VPS36: variants seen among roughly 807,000 people sequenced by gnomAD.
VPS36 encodes the protein vacuolar protein sorting 36 homolog.
VPS36 carries 31 observed loss-of-function variants against 63.5 expected under a neutral mutation model. The ratio of observed to expected loss-of-function variants is 0.49; its 90% CI spans 0.37 to 0.66. The LOEUF is 0.66. Ranked by LOEUF, VPS36 falls within the 30% of genes least tolerant of loss-of-function variation. The pLI, the probability that VPS36 is intolerant of heterozygous loss-of-function variation, is 0.00. For missense variants in VPS36, 338 were observed against 463.7 expected, an observed-to-expected ratio of 0.73 and a Z score of 2.49; for synonymous variants, 138 against 157.2, an observed-to-expected ratio of 0.88 and a Z score of 0.91.
intron 9 of VPS36, among the ~76,000 whole-genome samples, chr13:52,425,247 C>T (rs1361959167): frequency 1.5e-4 from 21 of 136,744 alleles, no homozygotes; most frequent in African/African-American, 2.8e-4. Flanking sequence ...AGCGAGACTC[C>T]GCCTCAAAAA....
At chr13:52,416,974 A>C in intron 12 of VPS36, 83 bp downstream of exon 12, 3 of 1,183,184 alleles carry the variant, frequency 2.5e-6, no homozygotes. Context: ...TTAAATTCAA[A>C]AGGAAATCCT....
At position 52,415,793 on chromosome 13, in the gene VPS36, A is replaced by G. The variant is rs1386913251; in HGVS notation, c.*37T>C. 6.3e-7 allele frequency: 1 copy of G among 1,593,842 alleles called. No homozygotes were observed. The highest frequency in any genetic ancestry group is 8.6e-7 in the Non-Finnish European group (1 of 1,163,974). ...ATGTCATACAACCTCTACATGACGC[A>G]AGCATATGGACAAAAAGGATTTTAA... On this transcript the variant is annotated 3_prime_UTR_variant, in exon 14 of 14. Transcript: ENST00000378060.
At chr13:52,432,701 G>C (rs1055848394) in intron 6 of VPS36, among the ~76,000 whole-genome samples, 1 of 152,152 alleles carries the variant, frequency 6.6e-6, no homozygotes, top group African/African-American at 2.4e-5. Flanking sequence ...ACATGAGTGT[G>C]ACAGAGATTC....
chr13:52,447,610 T>A (rs955098543), intron 1 of VPS36, among the ~76,000 whole-genome samples: 1 of 152,148 alleles, frequency 6.6e-6, no homozygotes, highest in Non-Finnish European at 1.5e-5. Flanking sequence ...GGAAGAGCAG[T>A]CCATTGGATC....
intron 6 of VPS36, among the ~76,000 whole-genome samples, chr13:52,432,179 G>A (rs1229124863): frequency 1.3e-5 from 2 of 151,970 alleles, no homozygotes; most frequent in South Asian, 2.1e-4. Context: ...GTGAAACCCC[G>A]TCTCTACTAA....
intron 1 of VPS36, among the ~76,000 whole-genome samples, chr13:52,447,268 A>G (rs1958353747): frequency 6.6e-6 from 1 of 152,198 alleles, no homozygotes; most frequent in African/African-American, 2.4e-5. Flanking sequence ...GTAATACATA[A>G]TAATGCTGAG....
intron 1 of VPS36, among the ~76,000 whole-genome samples, chr13:52,445,430 G>C (rs994352172): frequency 1.3e-5 from 2 of 151,674 alleles, no homozygotes; most frequent in Admixed American, 6.6e-5. Flanking sequence ...ACGAGGTCAG[G>C]AGATCGAGAC....
chr13:52,432,235 C>A (rs1958166629), intron 6 of VPS36, among the ~76,000 whole-genome samples: 1 of 151,860 alleles, frequency 6.6e-6, no homozygotes, highest in Non-Finnish European at 1.5e-5. Flanking sequence ...CCTATAGGCC[C>A]AGCTACTCGG....
At chr13:52,436,190 A>C in intron 4 of VPS36, 100 bp downstream of exon 4, 2 of 740,034 alleles carry the variant, frequency 2.7e-6, no homozygotes, top group Non-Finnish European at 4.4e-6. Context: ...GTTGTATAAT[A>C]CTACCTTCCA....
chr13:52,422,550 C>A (rs1958057021), intron 10 of VPS36, among the ~76,000 whole-genome samples: 1 of 152,090 alleles, frequency 6.6e-6, no homozygotes, highest in African/African-American at 2.4e-5. Flanking sequence ...CCTCTCCCTC[C>A]CCCTAGTCTC....
chr13:52,447,463 T>G (rs1389705899), intron 1 of VPS36, among the ~76,000 whole-genome samples: 1 of 152,238 alleles, frequency 6.6e-6, no homozygotes, highest in Non-Finnish European at 1.5e-5. Flanking sequence ...GCTACAGAAG[T>G]GTCTGTGAAG....
At chr13:52,444,250 G>C (rs1958311017) in intron 1 of VPS36, among the ~76,000 whole-genome samples, 1 of 152,130 alleles carries the variant, frequency 6.6e-6, no homozygotes, top group African/African-American at 2.4e-5. Context: ...GAGGTCTGGA[G>C]ATCGAGACCA....
At chr13:52,435,020 G>A (rs1314456221) in intron 4 of VPS36, 138 bp from the exon 5 acceptor site, 1 of 754,460 alleles carries the variant, frequency 1.3e-6, no homozygotes, top group Non-Finnish European at 2.0e-6. Flanking sequence ...TGCCCAGGCT[G>A]GAGTGCAATG....
At chr13:52,439,607 G>C (rs1958254233) in intron 2 of VPS36, among the ~76,000 whole-genome samples, 1 of 151,866 alleles carries the variant, frequency 6.6e-6, no homozygotes, top group South Asian at 2.1e-4. Context: ...CACCACGTCC[G>C]GCTAATTTTT....
Position 52,450,411 on chromosome 13 carries a change from G to A in VPS36, c.96+88C>T, listed in dbSNP as rs1958390207. On this transcript the variant is annotated intron_variant, in intron 1 of 13. Transcript: ENST00000378060. ...CGTGAGCTAAGCCGGGGACCGGGCC[G>A]CGCCGACCCGGGCCGCGCTGAGCCG... The A allele has an allele frequency of 7.9e-6, 11 of 1,395,156 alleles. No individual in the cohort carries two copies. In the South Asian group the frequency reaches 1.3e-4, roughly 16 times the overall value. The allele number at this position is 1,395,156 out of a possible 1,614,324, so 86.4% of individuals were successfully genotyped here.
chr13:52,420,901 A>G (rs1464289623), intron 10 of VPS36, among the ~76,000 whole-genome samples: 1 of 152,170 alleles, frequency 6.6e-6, no homozygotes, highest in Non-Finnish European at 1.5e-5. Flanking sequence ...TGGGTAGATC[A>G]CCTTAGGTCA....
chr13:52,426,083 G>C lies in VPS36; in HGVS notation c.640-17C>G. 1 of 1,606,052 alleles carries C rather than the reference G, an allele frequency of 6.2e-7. No individual in the cohort carries two copies. Among genetic ancestry groups the C allele is most frequent in the Non-Finnish European group, 8.5e-7 (1 of 1,177,882 alleles). Reference sequence around the variant, plus strand: ...CCTGATGGTCTATAATAAAAAAGGAGAAAATGCAGAATTAGTCTCTCCACC... The same window carrying C: ...CCTGATGGTCTATAATAAAAAAGGACAAAATGCAGAATTAGTCTCTCCACC... On this transcript the variant is annotated splice_polypyrimidine_tract_variant and intron_variant, in intron 8 of 13. Transcript: ENST00000378060.
rs1957987300 is a variant in VPS36 at position 52,415,801 on chromosome 13, G to C, written c.*29C>G. On this transcript the variant is annotated 3_prime_UTR_variant, in exon 14 of 14. Coordinates refer to ENST00000378060, the MANE Select transcript of VPS36 (RefSeq NM_016075.4). ...CAACCTCTACATGACGCAAGCATAT[G>C]GACAAAAAGGATTTTAAATACAAAA... is the stretch of plus-strand genomic sequence containing the variant. 6.2e-7 allele frequency: 1 copy of C among 1,604,402 alleles called. No individual in the cohort carries two copies. The highest frequency in any genetic ancestry group is 8.5e-7 in the Non-Finnish European group (1 of 1,172,986).
chr13:52,421,708 G>C (rs1180655955), intron 10 of VPS36, among the ~76,000 whole-genome samples: 3 of 151,856 alleles, frequency 2.0e-5, no homozygotes, highest in African/African-American at 7.3e-5. Context: ...ATTTTTAGTA[G>C]AGATAGGGTT....
Sources: gnomAD v4.1 joint callset for allele counts (sites outside exome capture counted in the v4.1 genomes callset) on GRCh38, gnomAD v4.1.1 for gene constraint, MANE v1.5 for transcripts, NCBI Gene and HGNC (gene_info 2026-07-23, HGNC 2026-07-21) for gene names.